TDRD1: variants seen among roughly 807,000 people sequenced by gnomAD.
TDRD1 encodes the protein tudor domain containing 1.
TDRD1 carries 37 observed loss-of-function variants against 140.6 expected under a neutral mutation model. The ratio of observed to expected loss-of-function variants is 0.26; its 90% CI spans 0.20 to 0.35. The LOEUF (loss-of-function observed/expected upper bound fraction) is 0.35, where lower values mean the gene tolerates loss of function less well. Among genes scored for constraint, TDRD1 ranks in the 10% least tolerant of loss-of-function variants. The probability of loss-of-function intolerance (pLI) is 1.00; values close to 1 mark genes in which losing one functional copy is unlikely to be tolerated. For synonymous variants in TDRD1, 506 were observed against 475.7 expected, an observed-to-expected ratio of 1.06 and a Z score of -0.83; for missense variants, 1,243 against 1,393.0, an observed-to-expected ratio of 0.89 and a Z score of 1.71.
chr10:114,213,839 C>T, intron 15 of TDRD1, 138 bp from the exon 16 acceptor site: 1 of 768,190 alleles, frequency 1.3e-6, no homozygotes, highest in Non-Finnish European at 2.1e-6. Context: ...GTAAGACTGA[C>T]TTTACGGTTA....
chr10:114,194,635 T>C (rs935039834), intron 3 of TDRD1, among the ~76,000 whole-genome samples: 1 of 152,058 alleles, frequency 6.6e-6, no homozygotes, highest in Non-Finnish European at 1.5e-5. Context: ...TCATTTTTTT[T>C]CCTGTTTTTT....
chr10:114,223,170 T>C (rs918600147), intron 21 of TDRD1, among the ~76,000 whole-genome samples: 1 of 152,192 alleles, frequency 6.6e-6, no homozygotes, highest in Non-Finnish European at 1.5e-5. Flanking sequence ...TGGATTTGCT[T>C]CTGGGATCAA....
In TDRD1 at chr10:114,217,528, C is replaced by T. The variant is rs778524173; in HGVS notation, c.2213-17C>T. ...TTTAATATGTTCTTAATTTTTTAAT[C>T]CTATGTGTATTTTCAGCTTTAAAGA... On this transcript the variant is annotated splice_polypyrimidine_tract_variant and intron_variant, in intron 16 of 25. Coordinates refer to ENST00000251864, the Ensembl canonical transcript of TDRD1. 4 of 1,316,526 alleles carry T rather than the reference C, an allele frequency of 3.0e-6. No individual in the cohort carries two copies. Among genetic ancestry groups the T allele is most frequent in the South Asian group, 2.6e-5 (2 of 75,912 alleles). 81.6% of individuals were successfully genotyped at this position (1,316,526 alleles called of 1,614,324 possible).
intron 9 of TDRD1, 39 bp from the exon 10 acceptor site, chr10:114,204,683 A>G (rs781029148): frequency 4.5e-6 from 7 of 1,559,834 alleles, no homozygotes; most frequent in East Asian, 2.3e-5. Flanking sequence ...TCATTTTTAA[A>G]TGGTAATTTT....
intron 22 of TDRD1, 65 bp from the exon 23 acceptor site, chr10:114,227,007 G>C (rs750820335): frequency 6.9e-6 from 6 of 867,588 alleles, no homozygotes; most frequent in Non-Finnish European, 1.1e-5. Flanking sequence ...ATTATTCTTA[G>C]ATAATTTATC....
chr10:114,203,467 A>C, exon 8 of TDRD1: 1 of 1,614,076 alleles, frequency 6.2e-7, no homozygotes, highest in Non-Finnish European at 8.5e-7. Flanking sequence ...TACATGAACC[A>C]ACTCTCTGCC....
rs770397519 is a variant in TDRD1, at chr10:114,227,830, A to G, written c.3404-80A>G. 5.4e-6 allele frequency: 6 copies of G among 1,109,206 alleles called. No individual in the cohort carries two copies. The East Asian group carries it at 9.4e-5, about 17-fold the overall frequency. The allele number at this position is 1,109,206 out of a possible 1,614,324, so 68.7% of individuals were successfully genotyped here. A position where few individuals can be genotyped will look rare whatever the true frequency, so the allele number is the denominator to read the frequency against. ...GAACCCATGCGCAAGGGGGAGAGCTATCTGTATATGTTTACACTCCCAAGT... is the reference window on the plus strand; with the variant it reads ...GAACCCATGCGCAAGGGGGAGAGCTGTCTGTATATGTTTACACTCCCAAGT... On this transcript the variant is annotated intron_variant, in intron 23 of 25. Transcript: ENST00000251864.
intron 8 of TDRD1, 32 bp downstream of exon 8, chr10:114,203,599 G>T: frequency 3.8e-6 from 6 of 1,563,790 alleles, no homozygotes; most frequent in Non-Finnish European, 5.2e-6. Flanking sequence ...TATTTAAAAC[G>T]TTTGAGCTAA....
intron 25 of TDRD1, among the ~76,000 whole-genome samples, chr10:114,229,887 G>A (rs1007147325): frequency 2.0e-5 from 3 of 150,438 alleles, no homozygotes; most frequent in Admixed American, 2.0e-4. Context: ...CTGGAGTGCA[G>A]TGGCGCTATC....
At chr10:114,209,141 G>T (rs2035318004) in intron 11 of TDRD1, among the ~76,000 whole-genome samples, 1 of 152,098 alleles carries the variant, frequency 6.6e-6, no homozygotes, top group Non-Finnish European at 1.5e-5. Flanking sequence ...AGGGCTTGGA[G>T]ACCAGGAGTT....
chr10:114,212,929 A>G (rs572091017), intron 14 of TDRD1, among the ~76,000 whole-genome samples: 5 of 152,216 alleles, frequency 3.3e-5, no homozygotes, highest in Admixed American at 6.5e-5. Context: ...TCTCGTGCCT[A>G]TTAATGGTTA....
chr10:114,213,004 T>C (rs2035585364), intron 14 of TDRD1, among the ~76,000 whole-genome samples: 1 of 152,220 alleles, frequency 6.6e-6, no homozygotes, highest in South Asian at 2.1e-4. Flanking sequence ...TTCTGGACAT[T>C]GTGTATCAAT....
intron 3 of TDRD1, among the ~76,000 whole-genome samples, chr10:114,197,744 G>A (rs1388777752): frequency 6.6e-6 from 1 of 150,668 alleles, no homozygotes; most frequent in East Asian, 2.0e-4. Context: ...TGCAACCTCC[G>A]CCTCCTGGGT....
At chr10:114,177,693 G>T (rs965985454), upstream of TDRD1, among the ~76,000 whole-genome samples, 1 of 152,212 alleles carries the variant, frequency 6.6e-6, no homozygotes, top group African/African-American at 2.4e-5. Flanking sequence ...ATGGGCTTTA[G>T]TTAATACTGT....
intron 16 of TDRD1, among the ~76,000 whole-genome samples, chr10:114,216,373 C>T (rs896867893): frequency 2.6e-5 from 4 of 152,194 alleles, no homozygotes; most frequent in Admixed American, 6.5e-5. Flanking sequence ...AGTTGCTCCA[C>T]ATCCTCACAA....
chr10:114,187,095 C>T (rs1220640551), intron 1 of TDRD1, among the ~76,000 whole-genome samples: 2 of 152,150 alleles, frequency 1.3e-5, no homozygotes, highest in African/African-American at 4.8e-5. Flanking sequence ...AACAAGCCAC[C>T]ATCTTTTGTG....
At chr10:114,219,181 C>G (rs1323063411) in intron 18 of TDRD1, among the ~76,000 whole-genome samples, 1 of 152,126 alleles carries the variant, frequency 6.6e-6, no homozygotes, top group Non-Finnish European at 1.5e-5. Context: ...GTGAAGAAAA[C>G]AGGTTATAAA....
In TDRD1 at chr10:114,204,718, T is replaced by G; in HGVS notation, c.1126-4T>G. On this transcript the variant is annotated splice_polypyrimidine_tract_variant and splice_region_variant and intron_variant, in intron 9 of 25. Coordinates refer to ENST00000251864, the Ensembl canonical transcript of TDRD1. ...TTGTAAGTAACCTGCGTAAAATTTT[T>G]CAGGCCATAAAGTGCTTTGTAGCCA... 6.4e-7 allele frequency: 1 copy of G among 1,565,466 alleles called. No homozygotes were observed. The highest frequency in any genetic ancestry group is 2.2e-5 in the Admixed American group (1 of 46,456).
At chr10:114,204,784 C>T (rs1180131954) in exon 10 of TDRD1, 2 of 1,605,066 alleles carry the variant, frequency 1.2e-6, no homozygotes, top group Admixed American at 1.7e-5. Context: ...GTGATTGTAT[C>T]AAAGCTACTA....
Sources: allele counts gnomAD v4.1 joint callset (sites outside exome capture counted in the v4.1 genomes callset), GRCh38; gene constraint gnomAD v4.1.1; transcripts MANE v1.5; gene names NCBI Gene and HGNC (gene_info 2026-07-23, HGNC 2026-07-21).